NKAIN2: variants seen among roughly 807,000 people sequenced by gnomAD.
NKAIN2 encodes sodium/potassium-transporting ATPase subunit beta-1-interacting protein 2.
In NKAIN2, 14 loss-of-function variants were observed where a neutral mutation model predicts 32.6. That is an observed-to-expected ratio of 0.43 (90% CI 0.28 to 0.67). NKAIN2 has a LOEUF of 0.67. Ranked by LOEUF, NKAIN2 falls within the 30% of genes least tolerant of loss-of-function variation. NKAIN2 has a pLI of 0.17. For synonymous variants in NKAIN2, 80 were observed against 87.2 expected (o/e 0.92, Z 0.46); for missense variants, 198 against 258.3 (o/e 0.77, Z 1.60).
At chr6:124,094,911 A>G (rs1314009097) in intron 1 of NKAIN2, among the ~76,000 whole-genome samples, 1 of 152,184 alleles carries the variant, frequency 6.6e-6, no homozygotes, top group African/African-American at 2.4e-5. Flanking sequence ...TTTTCATTAT[A>G]TATAGCTAGA....
At chr6:124,671,624 C>G (rs1773103675) in intron 4 of NKAIN2, among the ~76,000 whole-genome samples, 1 of 152,076 alleles carries the variant, frequency 6.6e-6, no homozygotes, top group African/African-American at 2.4e-5. Flanking sequence ...GATCAACAAT[C>G]TGTTTTTGCC....
intron 1 of NKAIN2, among the ~76,000 whole-genome samples, chr6:124,229,557 C>T (rs1473484806): frequency 6.7e-6 from 1 of 150,350 alleles, no homozygotes; most frequent in Non-Finnish European, 1.5e-5. Context: ...GACAGACAGA[C>T]AGACAGGGTT....
intron 1 of NKAIN2, among the ~76,000 whole-genome samples, chr6:124,059,081 G>T (rs1261005548): frequency 6.6e-6 from 1 of 151,190 alleles, no homozygotes; most frequent in African/African-American, 2.4e-5. Context: ...AAACATATTA[G>T]AATGGAAAGT....
intron 1 of NKAIN2, chr6:124,282,191 C>T (rs72980476): frequency 0.035 from 10,338 of 294,838 alleles, 272 homozygotes; most frequent in Middle Eastern, 0.071. Context: ...TTTTTCTCCT[C>T]TCACTGCTTA....
intron 3 of NKAIN2, among the ~76,000 whole-genome samples, chr6:124,618,807 A>G (rs138602854): frequency 6.6e-6 from 1 of 152,342 alleles, no homozygotes; most frequent in Non-Finnish European, 1.5e-5. Context: ...AGATTGTGGC[A>G]TGTCAAGAAG....
chr6:123,903,557 C>T (rs1382181328), intron 1 of NKAIN2, among the ~76,000 whole-genome samples: 1 of 152,168 alleles, frequency 6.6e-6, no homozygotes, highest in Non-Finnish European at 1.5e-5. Context: ...ACTCTGGCAA[C>T]TGTCATTACC....
rs1797241058 is a variant in NKAIN2 at position 124,322,537 on chromosome 6, C to T, written c.193-32730C>T. ...ACCACCTTATAGTTATACCCACCCT[C>T]ATCATCCCTACCATCCTTTAAACTC... On this transcript the variant is annotated intron_variant, in intron 2 of 6. Coordinates refer to ENST00000368417, the MANE Select transcript of NKAIN2 (RefSeq NM_001040214.3). Among the ~76,000 whole-genome samples, 3 of 152,314 alleles carry T rather than the reference C, an allele frequency of 2.0e-5. No individual in the cohort carries two copies. In the South Asian group the frequency reaches 6.2e-4, roughly 32 times the overall value.
intron 2 of NKAIN2, among the ~76,000 whole-genome samples, chr6:124,315,908 G>A (rs190734033): frequency 1.3e-5 from 2 of 151,990 alleles, no homozygotes; most frequent in Non-Finnish European, 2.9e-5. Context: ...TCAGAGAATT[G>A]ATGGGTCAAG....
intron 3 of NKAIN2, among the ~76,000 whole-genome samples, chr6:124,397,335 G>A (rs2114440781): frequency 6.6e-6 from 1 of 151,898 alleles, no homozygotes; most frequent in Non-Finnish European, 1.5e-5. Flanking sequence ...ACACATTATG[G>A]TAGAATTCAA....
At chr6:124,778,686 A>G (rs536459779) in intron 4 of NKAIN2, among the ~76,000 whole-genome samples, 1 of 152,216 alleles carries the variant, frequency 6.6e-6, no homozygotes, top group Non-Finnish European at 1.5e-5. Context: ...GTAGTAAGAG[A>G]AGCAATTCCA....
At chr6:124,374,999 T>C (rs1354867354) in intron 3 of NKAIN2, among the ~76,000 whole-genome samples, 1 of 152,072 alleles carries the variant, frequency 6.6e-6, no homozygotes, top group Non-Finnish European at 1.5e-5. Context: ...CATTCTACTT[T>C]CTGCTGTCCT....
intron 1 of NKAIN2, among the ~76,000 whole-genome samples, chr6:124,269,787 A>G (rs982198092): frequency 9.5e-4 from 145 of 151,918 alleles, no homozygotes; most frequent in African/African-American, 3.3e-3. Context: ...AATTTCTGAG[A>G]TACTGACTCC....
At chr6:124,167,465 C>G (rs898918912) in intron 1 of NKAIN2, among the ~76,000 whole-genome samples, 1 of 152,138 alleles carries the variant, frequency 6.6e-6, no homozygotes, top group Non-Finnish European at 1.5e-5. Flanking sequence ...CATCTGCAAA[C>G]AGGGACAATT....
At chr6:124,328,778 A>G (rs1797528208) in intron 2 of NKAIN2, among the ~76,000 whole-genome samples, 1 of 152,174 alleles carries the variant, frequency 6.6e-6, no homozygotes, top group South Asian at 2.1e-4. Context: ...ACCTAAAGGA[A>G]GGGGACATGC....
At chr6:124,451,486 T>C (rs1323772715) in intron 3 of NKAIN2, among the ~76,000 whole-genome samples, 1 of 152,176 alleles carries the variant, frequency 6.6e-6, no homozygotes, top group Non-Finnish European at 1.5e-5. Flanking sequence ...GAAGACCCGA[T>C]CTGGAGTATT....
At chr6:123,943,694 C>T (rs1562270426) in intron 1 of NKAIN2, among the ~76,000 whole-genome samples, 1 of 152,054 alleles carries the variant, frequency 6.6e-6, no homozygotes, top group Admixed American at 6.6e-5. Flanking sequence ...TCACCTTGAG[C>T]TTAATAGTTA....
intron 1 of NKAIN2, among the ~76,000 whole-genome samples, chr6:124,267,851 T>C (rs767229390): frequency 3.9e-5 from 6 of 152,182 alleles, no homozygotes; most frequent in Non-Finnish European, 7.4e-5. Flanking sequence ...TTTAATTTAT[T>C]GTCTATGAAT....
At chr6:124,045,679 T>A (rs887320743) in intron 1 of NKAIN2, among the ~76,000 whole-genome samples, 8 of 151,818 alleles carry the variant, frequency 5.3e-5, no homozygotes, top group African/African-American at 1.9e-4. Context: ...TGGTGATTCA[T>A]GGAGACGGTG....
intron 1 of NKAIN2, among the ~76,000 whole-genome samples, chr6:123,861,845 A>C (rs6907969): frequency 0.32 from 49,155 of 151,714 alleles, 8,430 homozygotes; most frequent in East Asian, 0.62. Flanking sequence ...CCTTTAATTT[A>C]TTTTGATACC....
Sources: gnomAD v4.1 joint callset for allele counts (sites outside exome capture counted in the v4.1 genomes callset) on GRCh38, gnomAD v4.1.1 for gene constraint, MANE v1.5 for transcripts, NCBI Gene and HGNC (gene_info 2026-07-23, HGNC 2026-07-21) for gene names.